Variants in BAZ2B observed in about 807,000 individuals in gnomAD.
BAZ2B encodes the protein bromodomain adjacent to zinc finger domain 2B, also known as bromodomain adjacent to zinc finger domain protein 2B.
In BAZ2B, 91 loss-of-function variants were observed where a neutral mutation model predicts 246.0. The observed-to-expected ratio is 0.37, with a 90% CI of 0.31 to 0.44. The LOEUF (loss-of-function observed/expected upper bound fraction) is 0.44. BAZ2B is among the 20% of genes least tolerant of loss of function. The pLI is 1.00. For missense variants in BAZ2B, 2,332 were observed against 2,533.7 expected (o/e 0.92, Z 1.71); for synonymous variants, 855 against 860.0 (o/e 0.99, Z 0.10).
chr2:159,333,159 C>T (rs1396042925), intron 33 of BAZ2B, among the ~76,000 whole-genome samples: 4 of 151,984 alleles, frequency 2.6e-5, no homozygotes, highest in East Asian at 1.9e-4. Context: ...ATCATAATTA[C>T]GTATAATAAA....
intron 1 of BAZ2B, among the ~76,000 whole-genome samples, chr2:159,593,606 G>C (rs555516687): frequency 6.6e-6 from 1 of 152,310 alleles, no homozygotes; most frequent in South Asian, 2.1e-4. Flanking sequence ...GTTTTAAATT[G>C]TGTGCCATTT....
chr2:159,574,172 C>CAG (rs1491084551), intron 1 of BAZ2B, among the ~76,000 whole-genome samples: 228 of 143,864 alleles, frequency 1.6e-3, no homozygotes, highest in Admixed American at 3.3e-3. Context: ...CACACACACA[C>CAG]AGCACAATTT....
At chr2:159,465,086 C>G (rs1479416127) in intron 3 of BAZ2B, among the ~76,000 whole-genome samples, 2 of 152,142 alleles carry the variant, frequency 1.3e-5, no homozygotes, top group African/African-American at 4.8e-5. Flanking sequence ...AATTTATTGT[C>G]TCATAGTTCT....
chr2:159,406,604 T>C (rs980206448), intron 14 of BAZ2B, among the ~76,000 whole-genome samples: 1 of 152,178 alleles, frequency 6.6e-6, no homozygotes, highest in South Asian at 2.1e-4. Flanking sequence ...CTTTGTATTA[T>C]ACATTGTTTA....
chr2:159,600,230 A>T (rs979953407), intron 1 of BAZ2B, among the ~76,000 whole-genome samples: 12 of 152,244 alleles, frequency 7.9e-5, no homozygotes, highest in African/African-American at 2.6e-4. Flanking sequence ...AATAAGCCAT[A>T]CCTCATGAGA....
Position 159,428,006 on chromosome 2 carries a change from C to T in BAZ2B, c.2401G>A (p.Asp801Asn). ...ATTTTTGCACTGAAGCTGAAATTGT[C>T]CCTTGAGATATCCATTATTCCATTT... is the stretch of plus-strand genomic sequence containing the variant. ...SRNGIMDISR[D>N]NFSFSAKIRV... The change falls in exon 13 of 37, where the codon GAC becomes AAC. Residue 801 changes from aspartate (D) to asparagine (N), a missense_variant. Around this residue, in one of 9 missense-constraint regions of BAZ2B, gnomAD observed 651 missense variants for 650.9 expected, o/e 1.00. Transcript: ENST00000392783. 1.9e-6 allele frequency: 3 copies of T among 1,613,462 alleles called. No individual in the cohort carries two copies. Among genetic ancestry groups the T allele is most frequent in the Non-Finnish European group, 2.5e-6 (3 of 1,179,544 alleles).
intron 35 of BAZ2B, among the ~76,000 whole-genome samples, chr2:159,325,324 T>A (rs2063560877): frequency 6.7e-6 from 1 of 149,636 alleles, no homozygotes. Flanking sequence ...AGAGACAGGG[T>A]TTCACCATGT....
In BAZ2B at chr2:159,382,625, T is replaced by G; in HGVS notation, c.3939A>C (p.Glu1313Asp). The G allele has an allele frequency of 6.4e-7, 1 of 1,571,300 alleles. No homozygotes were observed. Among genetic ancestry groups the G allele is most frequent in the Non-Finnish European group, 8.7e-7 (1 of 1,155,424 alleles). Residue 1313 changes from glutamate to aspartate, a missense_variant, in exon 25 of 37, where the codon GAA (glutamate) becomes GAC (aspartate). This residue lies in a region of BAZ2B where 676 missense variants were observed against 668.6 expected (regional missense o/e 1.01). Transcript: ENST00000392783. ...CTTTATCTTCTTCATCCTCATCATC[T>G]TCATCCCCTTGGTCATCACTGTCAT... ...DDDDSDDQGD[E>D]DDEDEEDKED...
intron 27 of BAZ2B, among the ~76,000 whole-genome samples, chr2:159,360,103 C>T (rs1212938650): frequency 1.3e-5 from 2 of 152,110 alleles, no homozygotes; most frequent in Admixed American, 6.6e-5. Flanking sequence ...AAGTTCTGGC[C>T]GGGGCAATCA....
At chr2:159,553,392 C>CAAAAAAAA (rs35253250) in intron 2 of BAZ2B, among the ~76,000 whole-genome samples, 59 of 73,782 alleles carry the variant, frequency 8.0e-4, no homozygotes, top group South Asian at 1.3e-3. Flanking sequence ...GACTCTGTCT[C>CAAAAAAAA]AAAAAAAAAA....
chr2:159,519,623 A>G (rs377273741), intron 2 of BAZ2B, among the ~76,000 whole-genome samples: 44 of 150,318 alleles, frequency 2.9e-4, no homozygotes, highest in African/African-American at 1.0e-3. Context: ...CAGGCAAAAG[A>G]TAAAACATTG....
chr2:159,325,509 A>T, intron 35 of BAZ2B, 144 bp downstream of exon 35: 1 of 858,624 alleles, frequency 1.2e-6, no homozygotes, highest in Non-Finnish European at 1.7e-6. Flanking sequence ...CTATACTTTT[A>T]CTTATATATT....
intron 25 of BAZ2B, among the ~76,000 whole-genome samples, chr2:159,381,280 T>G (rs926550986): frequency 6.6e-6 from 1 of 152,196 alleles, no homozygotes; most frequent in African/African-American, 2.4e-5. Flanking sequence ...TAAGCTCCTA[T>G]ACATGGGTAC....
chr2:159,317,000 C>CAATAA (rs34405313), downstream of BAZ2B, among the ~76,000 whole-genome samples: 3,172 of 148,800 alleles, frequency 0.021, 40 homozygotes, highest in African/African-American at 0.037. Context: ...TACTCTGTCT[C>CAATAA]AATAAAATAA....
intron 19 of BAZ2B, 70 bp from the exon 20 acceptor site, chr2:159,395,904 C>A: frequency 6.0e-6 from 8 of 1,327,204 alleles, no homozygotes; most frequent in South Asian, 1.4e-5. Context: ...AATGAAAAAA[C>A]AAAAACAAAA....
chr2:159,403,567 T>C lies in BAZ2B; in HGVS notation c.2832+1282A>G, dbSNP rs377125732. Among the ~76,000 whole-genome samples, 8 of 152,298 alleles carry C rather than the reference T, an allele frequency of 5.3e-5. No homozygotes were observed. In the East Asian group the frequency reaches 1.2e-3, roughly 22 times the overall value. ...TGAAATATGAACTTATTTTTTCATA[T>C]ATACTCTTTAGTAAATATATTTTAA... On this transcript the variant is annotated intron_variant, in intron 16 of 36. Coordinates refer to ENST00000392783, the MANE Select transcript of BAZ2B (RefSeq NM_013450.4).
At chr2:159,602,011 A>T (rs1228337737) in intron 1 of BAZ2B, among the ~76,000 whole-genome samples, 3 of 152,208 alleles carry the variant, frequency 2.0e-5, no homozygotes, top group Non-Finnish European at 4.4e-5. Flanking sequence ...TATTAAAAAC[A>T]ATAAGAGTAA....
intron 25 of BAZ2B, among the ~76,000 whole-genome samples, chr2:159,377,043 C>T (rs902401221): frequency 3.3e-5 from 5 of 152,118 alleles, no homozygotes; most frequent in African/African-American, 9.7e-5. Flanking sequence ...GGTCTCAACA[C>T]AACTCTACGG....
chr2:159,388,302 A>C (rs1480563475), intron 21 of BAZ2B, among the ~76,000 whole-genome samples: 1 of 152,158 alleles, frequency 6.6e-6, no homozygotes, highest in Non-Finnish European at 1.5e-5. Context: ...AACTATAGTC[A>C]AAACATCATT....
Sources: allele counts gnomAD v4.1 joint callset (sites outside exome capture counted in the v4.1 genomes callset), GRCh38; gene constraint gnomAD v4.1.1; regional missense constraint gnomAD v4.1.1; transcripts MANE v1.5; gene names NCBI Gene and HGNC (gene_info 2026-07-23, HGNC 2026-07-21).